The following ETV1 variants were observed in gnomAD, a reference collection of about 807,000 sequenced individuals.
ETV1 encodes ETS translocation variant 1.
In ETV1, 27 loss-of-function variants were observed where a neutral mutation model predicts 62.3. The observed-to-expected ratio is 0.43, with a 90% CI of 0.32 to 0.60. The LOEUF is 0.60. ETV1 is among the 20% of genes least tolerant of loss of function. The pLI is 0.06. For synonymous variants in ETV1, 222 were observed against 199.6 expected (o/e 1.11, Z -0.94); for missense variants, 605 against 605.8 (o/e 1.00, Z 0.01).
intron 6 of ETV1, 21 bp downstream of exon 6, chr7:13,977,406 G>A: frequency 6.8e-7 from 1 of 1,470,034 alleles, no homozygotes; most frequent in East Asian, 2.5e-5. Flanking sequence ...AAATACAAGA[G>A]ATGAGTCATA....
chr7:13,938,983 A>C (rs2128459233), intron 7 of ETV1, 134 bp downstream of exon 7: 20 of 794,694 alleles, frequency 2.5e-5, no homozygotes, highest in Non-Finnish European at 3.6e-5. Flanking sequence ...GAGTTCTGCT[A>C]AATGCATTAC....
At chr7:13,962,386 A>G (rs1790290173) in intron 6 of ETV1, among the ~76,000 whole-genome samples, 1 of 152,106 alleles carries the variant, frequency 6.6e-6, no homozygotes, top group Non-Finnish European at 1.5e-5. Flanking sequence ...ACTCTTATAC[A>G]GTACAATGTA....
chr7:13,921,079 A>G (rs1366262428), intron 9 of ETV1, among the ~76,000 whole-genome samples: 3 of 152,220 alleles, frequency 2.0e-5, no homozygotes, highest in Non-Finnish European at 2.9e-5. Flanking sequence ...TGAAAGTTCA[A>G]TAGCTCATTC....
At chr7:13,981,409 G>A (rs1464067919) in intron 5 of ETV1, among the ~76,000 whole-genome samples, 2 of 151,948 alleles carry the variant, frequency 1.3e-5, no homozygotes, top group African/African-American at 4.8e-5. Flanking sequence ...AAGTAAACTT[G>A]GACTTGCAAT....
At chr7:13,936,445 C>T (rs1049166117) in intron 7 of ETV1, among the ~76,000 whole-genome samples, 7 of 151,822 alleles carry the variant, frequency 4.6e-5, no homozygotes, top group African/African-American at 1.2e-4. Flanking sequence ...ATTAACTTCC[C>T]CACATGGGAT....
At chr7:13,935,189 G>C (rs1202220270) in intron 8 of ETV1, among the ~76,000 whole-genome samples, 1 of 152,132 alleles carries the variant, frequency 6.6e-6, no homozygotes, top group Non-Finnish European at 1.5e-5. Flanking sequence ...TATTCGCAGT[G>C]TCCAGAGTCA....
chr7:13,972,303 G>A (rs933417682), intron 6 of ETV1, among the ~76,000 whole-genome samples: 34 of 151,910 alleles, frequency 2.2e-4, no homozygotes, highest in African/African-American at 7.5e-4. Flanking sequence ...ATGGTGGTGC[G>A]TGCCTGTAGT....
chr7:13,977,990 A>C (rs1356356500), intron 5 of ETV1, among the ~76,000 whole-genome samples: 1 of 152,184 alleles, frequency 6.6e-6, no homozygotes, highest in Non-Finnish European at 1.5e-5. Context: ...AGATGCTTGC[A>C]CTGAATTTTG....
At chr7:13,909,110 C>T (rs1353514315) in intron 11 of ETV1, among the ~76,000 whole-genome samples, 2 of 143,102 alleles carry the variant, frequency 1.4e-5, no homozygotes, top group Admixed American at 7.2e-5. Flanking sequence ...AGTCATGCTA[C>T]ATTAGTAACA....
chr7:13,920,431 A>AGAGT (rs970686931), intron 9 of ETV1, among the ~76,000 whole-genome samples: 6 of 132,826 alleles, frequency 4.5e-5, no homozygotes, highest in Admixed American at 2.4e-4. Context: ...CATTCCAGAG[A>AGAGT]GAGTGAGTGA....
intron 5 of ETV1, among the ~76,000 whole-genome samples, chr7:13,985,807 C>T (rs1360923528): frequency 6.6e-6 from 1 of 152,016 alleles, no homozygotes; most frequent in Non-Finnish European, 1.5e-5. Context: ...AACAGAAGTC[C>T]CTCAACATTA....
intron 9 of ETV1, among the ~76,000 whole-genome samples, chr7:13,930,662 C>T (rs866779305): frequency 6.6e-6 from 1 of 152,036 alleles, no homozygotes; most frequent in Non-Finnish European, 1.5e-5. Context: ...CCCACTCCCC[C>T]ACTTGACCCG....
At chr7:13,911,084 T>C (rs966944311) in intron 10 of ETV1, among the ~76,000 whole-genome samples, 155 bp downstream of exon 10, 4 of 152,198 alleles carry the variant, frequency 2.6e-5, no homozygotes, top group Non-Finnish European at 4.4e-5. Context: ...TTGAAACATC[T>C]TCTTTTTACT....
chr7:13,977,541 T>C, intron 5 of ETV1, 61 bp from the exon 6 acceptor site: 4 of 1,155,416 alleles, frequency 3.5e-6, no homozygotes, highest in Non-Finnish European at 5.0e-6. Flanking sequence ...GCATAAGGAA[T>C]GTCAAGTAAA....
intron 6 of ETV1, among the ~76,000 whole-genome samples, chr7:13,942,110 A>G (rs1442778934): frequency 1.3e-4 from 17 of 131,736 alleles, no homozygotes; most frequent in African/African-American, 2.1e-4. Flanking sequence ...TGCAAGCTCC[A>G]CCTCCCGGGT....
chr7:13,964,099 G>A (rs1562689230), intron 6 of ETV1, among the ~76,000 whole-genome samples: 1 of 152,106 alleles, frequency 6.6e-6, no homozygotes, highest in African/African-American at 2.4e-5. Context: ...TGCATCACCT[G>A]ACATTCTGGC....
chr7:13,950,072 A>G (rs1396920137), intron 6 of ETV1, among the ~76,000 whole-genome samples: 1 of 152,150 alleles, frequency 6.6e-6, no homozygotes, highest in African/African-American at 2.4e-5. Context: ...CAGGGTTTTT[A>G]AACTGAAGCA....
intron 12 of ETV1, among the ~76,000 whole-genome samples, chr7:13,901,720 T>C (rs965346457): frequency 2.6e-5 from 4 of 152,194 alleles, no homozygotes; most frequent in Admixed American, 6.5e-5. Flanking sequence ...AATAAAACTG[T>C]GGGTAATACC....
At chr7:13,977,531 G>C in intron 5 of ETV1, 51 bp from the exon 6 acceptor site, 1 of 1,256,204 alleles carries the variant, frequency 8.0e-7, no homozygotes, top group East Asian at 2.5e-5. Context: ...ACTGCCAAAA[G>C]CATAAGGAAT....
Sources: allele counts gnomAD v4.1 joint callset (sites outside exome capture counted in the v4.1 genomes callset), GRCh38; gene constraint gnomAD v4.1.1; transcripts MANE v1.5; gene names NCBI Gene and HGNC (gene_info 2026-07-23, HGNC 2026-07-21).